Variants in WWOX observed in about 807,000 individuals in gnomAD.
WWOX encodes the protein WW domain-containing oxidoreductase.
In WWOX, 69 loss-of-function variants were observed where a neutral mutation model predicts 46.2. The ratio of observed to expected loss-of-function variants is 1.49; its 90% CI spans 1.23 to 1.82. WWOX has a LOEUF of 1.82. WWOX is among the 40% of genes most tolerant of loss of function. The probability of loss-of-function intolerance (pLI) is 0.00; values close to 1 mark genes in which losing one functional copy is unlikely to be tolerated. For missense variants in WWOX, 919 were observed against 542.6 expected (o/e 1.69, Z -6.89); for synonymous variants, 359 against 202.6 (o/e 1.77, Z -6.56).
intron 8 of WWOX, among the ~76,000 whole-genome samples, chr16:78,861,259 G>C (rs1367799549): frequency 6.6e-6 from 1 of 152,150 alleles, no homozygotes; most frequent in Non-Finnish European, 1.5e-5. Flanking sequence ...CCCTCTGCCT[G>C]ACTTCAAGCT....
At chr16:78,591,753 G>C (rs2045357203) in intron 8 of WWOX, among the ~76,000 whole-genome samples, 1 of 152,212 alleles carries the variant, frequency 6.6e-6, no homozygotes, top group South Asian at 2.1e-4. Context: ...TGAAGGTGGA[G>C]GCTGGACTGC....
At chr16:78,659,462 C>G (rs1043234396) in intron 8 of WWOX, among the ~76,000 whole-genome samples, 1 of 152,096 alleles carries the variant, frequency 6.6e-6, no homozygotes, top group Non-Finnish European at 1.5e-5. Context: ...GGGAGTAGGG[C>G]TCAGCAATCT....
intron 4 of WWOX, among the ~76,000 whole-genome samples, chr16:78,137,104 C>T (rs896794492): frequency 6.6e-6 from 1 of 152,122 alleles, no homozygotes; most frequent in Non-Finnish European, 1.5e-5. Context: ...CAGAGGGGGT[C>T]AGGGATGTTA....
chr16:78,709,341 T>TTGGAGTTG (rs1320222954), intron 8 of WWOX, among the ~76,000 whole-genome samples: 2 of 152,198 alleles, frequency 1.3e-5, no homozygotes, highest in Non-Finnish European at 2.9e-5. Flanking sequence ...GAGAAGCTTG[T>TTGGAGTTG]TGGAGTTGTC....
intron 8 of WWOX, among the ~76,000 whole-genome samples, chr16:78,636,389 C>G (rs565990406): frequency 6.6e-6 from 1 of 152,140 alleles, no homozygotes; most frequent in East Asian, 1.9e-4. Flanking sequence ...ATCAGACTTT[C>G]AGTGTTAAAG....
At chr16:78,288,882 A>T (rs1304119797) in intron 5 of WWOX, among the ~76,000 whole-genome samples, 1 of 152,162 alleles carries the variant, frequency 6.6e-6, no homozygotes, top group African/African-American at 2.4e-5. Context: ...CAGGTTCAGG[A>T]AGAAGAAGAA....
intron 8 of WWOX, among the ~76,000 whole-genome samples, chr16:78,856,964 C>T (rs895629900): frequency 1.3e-5 from 2 of 152,188 alleles, no homozygotes; most frequent in Non-Finnish European, 2.9e-5. Context: ...ACATGTACAG[C>T]ATGTTTCTGT....
At chr16:78,501,999 T>G (rs1481558837) in intron 8 of WWOX, among the ~76,000 whole-genome samples, 1 of 152,152 alleles carries the variant, frequency 6.6e-6, no homozygotes, top group Non-Finnish European at 1.5e-5. Flanking sequence ...GACCTGAGTC[T>G]TATCCCCTTT....
At chr16:79,132,924 C>A (rs968515889) in intron 8 of WWOX, among the ~76,000 whole-genome samples, 11 of 152,154 alleles carry the variant, frequency 7.2e-5, no homozygotes, top group African/African-American at 2.7e-4. Context: ...AGTGGTGGGG[C>A]TTCTTGGCTG....
chr16:79,190,789 C>T (rs372170786), intron 8 of WWOX, among the ~76,000 whole-genome samples: 10 of 152,218 alleles, frequency 6.6e-5, no homozygotes, highest in African/African-American at 2.2e-4. Context: ...TCTATGGCTG[C>T]TTTTGCACTA....
chr16:78,912,530 C>T (rs1042929179), intron 8 of WWOX, among the ~76,000 whole-genome samples: 1 of 152,016 alleles, frequency 6.6e-6, no homozygotes, highest in Non-Finnish European at 1.5e-5. Context: ...CTCCTCCGCT[C>T]TTCCCTGAGT....
intron 8 of WWOX, among the ~76,000 whole-genome samples, chr16:78,956,799 G>C (rs1459642943): frequency 6.6e-6 from 1 of 152,136 alleles, no homozygotes; most frequent in Admixed American, 6.5e-5. Flanking sequence ...GAAACAAAGA[G>C]GGCAACAGGA....
intron 6 of WWOX, among the ~76,000 whole-genome samples, chr16:78,390,385 G>T (rs1014725708): frequency 6.6e-6 from 1 of 152,158 alleles, no homozygotes; most frequent in Non-Finnish European, 1.5e-5. Context: ...CAAAACCTTG[G>T]AGGAAACTCT....
At chr16:79,179,654 G>C (rs1355223661) in intron 8 of WWOX, among the ~76,000 whole-genome samples, 3 of 152,196 alleles carry the variant, frequency 2.0e-5, no homozygotes, top group Admixed American at 2.0e-4. Context: ...TTGTATTTGA[G>C]CCACTGGAAA....
At chr16:78,868,063 C>G (rs775496755) in intron 8 of WWOX, among the ~76,000 whole-genome samples, 9 of 152,150 alleles carry the variant, frequency 5.9e-5, no homozygotes, top group African/African-American at 1.7e-4. Flanking sequence ...AATGCTTATA[C>G]AAAGTCTTGT....
At chr16:78,352,262 C>T (rs1163545075) in intron 5 of WWOX, among the ~76,000 whole-genome samples, 1 of 152,154 alleles carries the variant, frequency 6.6e-6, no homozygotes, top group African/African-American at 2.4e-5. Context: ...ATTTTGTTTC[C>T]TATCTCTGCT....
intron 8 of WWOX, chr16:78,825,666 G>A (rs1203067469): frequency 1.3e-5 from 7 of 523,386 alleles, no homozygotes; most frequent in Non-Finnish European, 2.2e-5. Context: ...GAATAGGGGG[G>A]CCATAGGCTG....
At chr16:78,932,418 C>G (rs951470212) in intron 8 of WWOX, among the ~76,000 whole-genome samples, 5 of 152,198 alleles carry the variant, frequency 3.3e-5, no homozygotes, top group Non-Finnish European at 7.3e-5. Context: ...TAAGAACATG[C>G]TGCGTCAGAG....
At chr16:79,086,851 C>T (rs1046758006) in intron 8 of WWOX, among the ~76,000 whole-genome samples, 5 of 152,202 alleles carry the variant, frequency 3.3e-5, no homozygotes, top group African/African-American at 1.2e-4. Flanking sequence ...CCACTGCGCT[C>T]CAGCCTGGGT....
Sources: gnomAD v4.1 joint callset for allele counts (sites outside exome capture counted in the v4.1 genomes callset) on GRCh38, gnomAD v4.1.1 for gene constraint, MANE v1.5 for transcripts, NCBI Gene and HGNC (gene_info 2026-07-23, HGNC 2026-07-21) for gene names.